TRPM1: variants seen among roughly 807,000 people sequenced by gnomAD.
The protein encoded by TRPM1 is transient receptor potential cation channel subfamily M member 1.
TRPM1 carries 113 observed loss-of-function variants against 149.4 expected under a neutral mutation model. That is an observed-to-expected ratio of 0.76 (90% CI 0.65 to 0.88). TRPM1 has a LOEUF of 0.88. TRPM1 is among the 40% of genes least tolerant of loss of function. The pLI is 0.00. For missense variants in TRPM1, 1,976 were observed against 2,038.7 expected (o/e 0.97, Z 0.59); for synonymous variants, 741 against 759.5 (o/e 0.98, Z 0.40).
At chr15:31,140,981 C>T (rs1299771343) in intron 1 of TRPM1, among the ~76,000 whole-genome samples, 1 of 151,622 alleles carries the variant, frequency 6.6e-6, no homozygotes, top group Non-Finnish European at 1.5e-5. Flanking sequence ...ACCACTGCAT[C>T]CAGCTAATTT....
At chr15:31,049,929 T>A (rs979357249) in intron 12 of TRPM1, among the ~76,000 whole-genome samples, 1 of 152,154 alleles carries the variant, frequency 6.6e-6, no homozygotes, top group Non-Finnish European at 1.5e-5. Flanking sequence ...CCTGGTCCCC[T>A]GTCTTGCCTG....
intron 25 of TRPM1, 51 bp from the exon 26 acceptor site, chr15:31,027,168 T>G: frequency 6.4e-7 from 1 of 1,566,480 alleles, no homozygotes; most frequent in Non-Finnish European, 8.7e-7. Flanking sequence ...TTTATAGTGA[T>G]TTCCCAGAGC....
At chr15:31,041,314 C>T (rs986973092) in intron 17 of TRPM1, among the ~76,000 whole-genome samples, 4 of 152,126 alleles carry the variant, frequency 2.6e-5, no homozygotes, top group Admixed American at 6.5e-5. Flanking sequence ...GCCACTACGC[C>T]GGGCTAAAAT....
chr15:31,109,333 C>CAAAAAAAAAAAAAAAAA (rs36072024), intron 1 of TRPM1, among the ~76,000 whole-genome samples: 5 of 32,300 alleles, frequency 1.5e-4, no homozygotes, highest in Non-Finnish European at 1.8e-4. Flanking sequence ...GACTCTGCCT[C>CAAAAAAAAAAAAAAAAA]AAAAAAAAAA....
At chr15:31,035,811 T>G in intron 20 of TRPM1, 137 bp from the exon 21 acceptor site, 1 of 1,255,544 alleles carries the variant, frequency 8.0e-7, no homozygotes, top group Non-Finnish European at 1.1e-6. Flanking sequence ...AGAGGAAACC[T>G]TCACTGCACC....
intron 16 of TRPM1, among the ~76,000 whole-genome samples, chr15:31,045,570 C>T (rs141481393): frequency 5.3e-4 from 80 of 152,218 alleles, no homozygotes; most frequent in African/African-American, 1.7e-3. Flanking sequence ...CAGTAGATGA[C>T]GCCAATGATA....
chr15:31,125,885 C>T (rs1283326322), intron 1 of TRPM1, among the ~76,000 whole-genome samples: 1 of 152,010 alleles, frequency 6.6e-6, no homozygotes, highest in Non-Finnish European at 1.5e-5. Flanking sequence ...AATCCCAGCA[C>T]TTTGGCAGGC....
chr15:31,131,389 TG>T (rs1241007919), intron 1 of TRPM1, among the ~76,000 whole-genome samples: 1 of 152,170 alleles, frequency 6.6e-6, no homozygotes, highest in Non-Finnish European at 1.5e-5. Context: ...ATGCTTAGTT[TG>T]CTAAGATCTA....
intron 27 of TRPM1, among the ~76,000 whole-genome samples, chr15:31,006,083 G>T (rs2031977557): frequency 6.6e-6 from 1 of 152,180 alleles, no homozygotes; most frequent in Non-Finnish European, 1.5e-5. Flanking sequence ...ATATTTTTCA[G>T]CACATTACAG....
intron 1 of TRPM1, among the ~76,000 whole-genome samples, chr15:31,131,134 GC>G (rs1430397609): frequency 6.6e-6 from 1 of 152,200 alleles, no homozygotes; most frequent in Non-Finnish European, 1.5e-5. Flanking sequence ...ATGCTACTCT[GC>G]CCTGTCTTGG....
chr15:31,008,146 G>A (rs2032061005), intron 27 of TRPM1, among the ~76,000 whole-genome samples: 1 of 152,094 alleles, frequency 6.6e-6, no homozygotes, highest in Non-Finnish European at 1.5e-5. Context: ...AAATAGGAAT[G>A]GTTTTATGTA....
At chr15:31,036,095 G>A in intron 20 of TRPM1, 1 of 322,248 alleles carries the variant, frequency 3.1e-6, no homozygotes, top group Non-Finnish European at 6.0e-6. Flanking sequence ...TGGGAAGTTA[G>A]ATGAGAGGAC....
chr15:31,083,998 T>C (rs962919496), intron 1 of TRPM1, among the ~76,000 whole-genome samples: 2 of 152,184 alleles, frequency 1.3e-5, no homozygotes, highest in Admixed American at 1.3e-4. Context: ...GTGACAGGGC[T>C]GGCTTGCAGG....
Position 31,037,716 on chromosome 15 carries a change from A to G in TRPM1, c.2566T>C (p.Tyr856His). Residue 856 changes from tyrosine (Y) to histidine (H), a missense_variant, in exon 20 of 28, where the codon TAC (tyrosine) becomes CAC (histidine). Tyr to His is a moderately conservative substitution (Grantham distance 83). This residue lies in a region of TRPM1 where 1,332 missense variants were observed against 1,347.1 expected (regional missense o/e 0.99). Coordinates refer to ENST00000256552, the MANE Select transcript of TRPM1 (RefSeq NM_001252024.2). ...YNAPIVKFWFYTISYLGYLLL... is the reference protein window; with the variant it reads ...YNAPIVKFWFHTISYLGYLLL... ...TGTTCAGGAGGAGGCCTCACTGTGT[A>G]AAACCAGAACTTGACAATGGGCGCG... The G allele has an allele frequency of 6.2e-7, 1 of 1,614,270 alleles. No individual in the cohort carries two copies. Among genetic ancestry groups the G allele is most frequent in the Non-Finnish European group, 8.5e-7 (1 of 1,180,046 alleles).
At chr15:31,119,229 G>A (rs1038844222) in intron 1 of TRPM1, among the ~76,000 whole-genome samples, 1 of 143,996 alleles carries the variant, frequency 6.9e-6, no homozygotes, top group African/African-American at 2.6e-5. Context: ...CAACAAGAGT[G>A]AAACTCCATC....
intron 1 of TRPM1, among the ~76,000 whole-genome samples, chr15:31,141,255 G>A (rs2036157590): frequency 6.6e-6 from 1 of 152,080 alleles, no homozygotes; most frequent in African/African-American, 2.4e-5. Flanking sequence ...TTTATAAAAT[G>A]TTAGTATGTG....
chr15:31,069,836 C>T, intron 4 of TRPM1, 195 bp downstream of exon 4: 1 of 1,541,074 alleles, frequency 6.5e-7, no homozygotes, highest in Non-Finnish European at 8.7e-7. Flanking sequence ...ATGTTCTTTA[C>T]AGTGGTGTCC....
upstream of TRPM1, among the ~76,000 whole-genome samples, chr15:31,104,920 C>A (rs749731412): frequency 5.3e-5 from 8 of 152,100 alleles, no homozygotes; most frequent in Admixed American, 2.0e-4. Context: ...CTAATTAGGT[C>A]GACTCTTCTT....
At chr15:31,006,166 A>G (rs2031980130) in intron 27 of TRPM1, among the ~76,000 whole-genome samples, 1 of 151,616 alleles carries the variant, frequency 6.6e-6, no homozygotes, top group African/African-American at 2.4e-5. Context: ...TCTCTTAAAG[A>G]TTTCTTTTCT....
Sources: allele counts gnomAD v4.1 joint callset (sites outside exome capture counted in the v4.1 genomes callset), GRCh38; gene constraint gnomAD v4.1.1; regional missense constraint gnomAD v4.1.1; transcripts MANE v1.5; gene names NCBI Gene and HGNC (gene_info 2026-07-23, HGNC 2026-07-21).